The following TMEM168 variants were observed in gnomAD, a reference collection of about 807,000 sequenced individuals.
TMEM168 encodes the protein transmembrane protein 168.
A neutral mutation model predicts 53.2 loss-of-function variants in TMEM168; 40 were observed. That is an observed-to-expected ratio of 0.75 (90% CI 0.58 to 0.98). The LOEUF (loss-of-function observed/expected upper bound fraction) is 0.98, where lower values mean the gene tolerates loss of function less well. Among genes scored for constraint, TMEM168 ranks in the 50% least tolerant of loss-of-function variants. The pLI, the probability that TMEM168 is intolerant of heterozygous loss-of-function variation, is 0.00. For synonymous variants in TMEM168, 282 were observed against 293.0 expected (o/e 0.96, Z 0.38); for missense variants, 771 against 828.8 (o/e 0.93, Z 0.86).
chr7:112,767,338 C>G lies in TMEM168; in HGVS notation c.1953G>C (p.Val651=). ...LHFPRITYPL[V]HLANWLCGLN... is the part of the protein sequence containing the mutation. ...GACCGCATAACCAATTTGCCAAATG[C>G]ACTAGGGGATATGTAATACGAGGAA... Residue 651 remains valine (V), a synonymous_variant, in exon 5 of 5, where the codon GTG becomes GTC. Coordinates refer to ENST00000312814, the MANE Select transcript of TMEM168 (RefSeq NM_022484.6). The G allele has an allele frequency of 3.1e-6, 5 of 1,614,166 alleles. No homozygotes were observed. The highest frequency in any genetic ancestry group is 1.3e-5 in the African/African-American group (1 of 75,058).
rs545242366 is a variant in TMEM168, at chr7:112,767,539, C to T, written c.1752G>A (p.Gln584=). 6.2e-7 allele frequency: 1 copy of T among 1,614,154 alleles called. No homozygotes were observed. The highest frequency in any genetic ancestry group is 8.5e-7 in the Non-Finnish European group (1 of 1,180,008). The change falls in exon 5 of 5, where the codon CAG becomes CAA. Residue 584 remains glutamine, a synonymous_variant. Transcript: ENST00000312814. Reference sequence around the variant, plus strand: ...CCCAGTCTTTTGTAAAGTCACCTAGCTGTGGCGGGTCAGCTTCTTCAATAT... The same window carrying T: ...CCCAGTCTTTTGTAAAGTCACCTAGTTGTGGCGGGTCAGCTTCTTCAATAT... ...TVDIEEADPP[Q]LGDFTKDWVE...
chr7:112,785,127 T>C (rs1278398124), intron 1 of TMEM168, among the ~76,000 whole-genome samples, 174 bp from the exon 2 acceptor site: 1 of 152,230 alleles, frequency 6.6e-6, no homozygotes, highest in Non-Finnish European at 1.5e-5. Context: ...TGGCAGTTTA[T>C]CCAGACAGAC....
In TMEM168 at chr7:112,773,017, A is replaced by G. The variant is rs1356175054; in HGVS notation, c.1310T>C (p.Val437Ala). The change falls in exon 4 of 5, where the codon GTA (valine) becomes GCA (alanine). Residue 437 changes from valine (V) to alanine (A), a missense_variant. Transcript: ENST00000312814. ...AGTAGACCTCAAATTTAACTCCTGTACATGTTCTGGGGGAAGCAGTGTTGG... is the reference window on the plus strand; with the variant it reads ...AGTAGACCTCAAATTTAACTCCTGTGCATGTTCTGGGGGAAGCAGTGTTGG... ...GQPTLLPPEH[V>A]QELNLRSTGM... 2 of 1,612,150 alleles carry G rather than the reference A, an allele frequency of 1.2e-6. No homozygotes were observed. Among genetic ancestry groups the G allele is most frequent in the Non-Finnish European group, 1.7e-6 (2 of 1,178,466 alleles).
chr7:112,774,113 C>T (rs1444324756), intron 3 of TMEM168, among the ~76,000 whole-genome samples: 1 of 152,130 alleles, frequency 6.6e-6, no homozygotes, highest in Non-Finnish European at 1.5e-5. Context: ...CTCCTCTCCC[C>T]CAGGGAAAGT....
chr7:112,787,119 ATC>A (rs1793403610), intron 1 of TMEM168, among the ~76,000 whole-genome samples: 3 of 152,214 alleles, frequency 2.0e-5, no homozygotes, highest in Admixed American at 1.3e-4. Flanking sequence ...ACATTTATAA[ATC>A]TGTTTCTTTT....
Position 112,784,347 on chromosome 7 carries a change from A to T in TMEM168, c.479T>A (p.Leu160Gln). The T allele has an allele frequency of 6.2e-7, 1 of 1,614,220 alleles. No homozygotes were observed. Residue 160 changes from leucine (L) to glutamine (Q), a missense_variant, in exon 2 of 5, where the codon CTG becomes CAG. Leu to Gln is a moderately radical substitution (Grantham distance 113). Coordinates refer to ENST00000312814, the MANE Select transcript of TMEM168 (RefSeq NM_022484.6). ...RPTLLTTVEF[L>Q]ELVGFAIAST... ...GGCAATGGCAAATCCAACAAGCTCC[A>T]GAAATTCAACTGTGGTTAGTAAAGT...
chr7:112,770,901 G>T (rs1792915341), intron 4 of TMEM168, among the ~76,000 whole-genome samples: 1 of 152,114 alleles, frequency 6.6e-6, no homozygotes, highest in Admixed American at 6.6e-5. Context: ...TTTTCCATTT[G>T]ATCTGGGTAG....
chr7:112,775,624 C>A (rs1200080189), intron 2 of TMEM168, among the ~76,000 whole-genome samples: 19 of 148,028 alleles, frequency 1.3e-4, no homozygotes, highest in Middle Eastern at 3.5e-3. Flanking sequence ...ACAAAACAAA[C>A]CAAAACCACT....
intron 2 of TMEM168, among the ~76,000 whole-genome samples, chr7:112,782,669 C>G (rs188758718): frequency 6.6e-6 from 1 of 152,270 alleles, no homozygotes; most frequent in East Asian, 1.9e-4. Context: ...AGCACCATGT[C>G]CAGGCAAGTC....
chr7:112,773,097 C>T (rs1203505131), intron 3 of TMEM168, 42 bp from the exon 4 acceptor site: 5 of 1,531,368 alleles, frequency 3.3e-6, no homozygotes, highest in African/African-American at 1.4e-5. Flanking sequence ...TTCTATATCA[C>T]ATTCTCATCT....
At chr7:112,787,893 C>T (rs1458665753) in intron 1 of TMEM168, among the ~76,000 whole-genome samples, 7 of 150,246 alleles carry the variant, frequency 4.7e-5, no homozygotes, top group Non-Finnish European at 1.0e-4. Flanking sequence ...CCACCATGCC[C>T]GGCTAATTTT....
rs547812620 is a variant in TMEM168, at chr7:112,781,631, C to A, written c.1128+2067G>T. On this transcript the variant is annotated intron_variant, in intron 2 of 4. Coordinates refer to ENST00000312814, the MANE Select transcript of TMEM168 (RefSeq NM_022484.6). ...GTTTAACTGATTTTAAACAAAGACG[C>A]CAAGGCAATTCAATAGGCGAAATGT... 3.3e-5 allele frequency among the ~76,000 whole-genome samples: 5 copies of A among 151,872 alleles called. No homozygotes were observed. The East Asian group carries it at 9.7e-4, about 29-fold the overall frequency.
chr7:112,787,314 T>G (rs1272544822), intron 1 of TMEM168, among the ~76,000 whole-genome samples: 1 of 151,964 alleles, frequency 6.6e-6, no homozygotes, highest in Non-Finnish European at 1.5e-5. Flanking sequence ...TGCTAAGTGT[T>G]GAAATGACCT....
At position 112,783,838 on chromosome 7, in the gene TMEM168, A is replaced by G. The variant is rs779959622; in HGVS notation, c.988T>C (p.Tyr330His). The G allele has an allele frequency of 3.7e-6, 6 of 1,607,446 alleles. No individual in the cohort carries two copies. The highest frequency in any genetic ancestry group is 1.7e-5 in the Admixed American group (1 of 58,882). Residue 330 changes from tyrosine to histidine, a missense_variant, in exon 2 of 5, where the codon TAT (tyrosine) becomes CAT (histidine). Coordinates refer to ENST00000312814, the MANE Select transcript of TMEM168 (RefSeq NM_022484.6). ...TTGTAATCTGTCCTGTGAGTAAAAT[A>G]TACTTTATGGCAGTCATTTAATTTG... is the stretch of plus-strand genomic sequence containing the variant. Reference protein sequence around the residue: ...HTKLNDCHKVYFTHRTDYNSL... With the variant: ...HTKLNDCHKVHFTHRTDYNSL...
chr7:112,765,664 T>C lies in TMEM168; in HGVS notation c.*1533A>G, dbSNP rs1332153689. 1 of 152,388 alleles carries C rather than the reference T, an allele frequency of 6.6e-6. No homozygotes were observed. The highest frequency in any genetic ancestry group is 2.4e-5 in the African/African-American group (1 of 41,466). 9.4% of individuals were successfully genotyped at this position (152,388 alleles called of 1,614,324 possible). On this transcript the variant is annotated 3_prime_UTR_variant, in exon 5 of 5. Transcript: ENST00000312814. Reference sequence around the variant, plus strand: ...AACATGAACTCTAAAACATGGGCATTTTTAATGACTACCACTTTTAATAAA... The same window carrying C: ...AACATGAACTCTAAAACATGGGCATCTTTAATGACTACCACTTTTAATAAA...
chr7:112,768,679 TC>T lies in TMEM168; in HGVS notation c.1547-936del, dbSNP rs149999306. The stretch of plus-strand genomic sequence containing the variant: ...TTTTGATTATTGAGTTTTTTGGCAT[TC>T]CCTTATGTTTTGTGCCTGAGGCAAC... On this transcript the variant is annotated intron_variant, in intron 4 of 4. Coordinates refer to ENST00000312814, the MANE Select transcript of TMEM168 (RefSeq NM_022484.6). Among the ~76,000 whole-genome samples the T allele has an allele frequency of 7.1e-3, 1,074 of 152,290 alleles. 15 individuals are homozygous for T. The highest frequency in any genetic ancestry group is 0.021 in the African/African-American group (876 of 41,560).
chr7:112,764,256 A>G lies in TMEM168; in HGVS notation c.*2941T>C, dbSNP rs1792719627. On this transcript the variant is annotated 3_prime_UTR_variant, in exon 5 of 5. Transcript: ENST00000312814. ...GGTTTTGTGGTTTTAGCAAGGTATC[A>G]CATGAGGAAACAAATACTAAACAAA... 6.6e-6 allele frequency: 1 copy of G among 152,048 alleles called. No individual in the cohort carries two copies. Among genetic ancestry groups the G allele is most frequent in the Admixed American group, 6.6e-5 (1 of 15,266 alleles). 9.4% of individuals were successfully genotyped at this position (152,048 alleles called of 1,614,324 possible).
intron 2 of TMEM168, among the ~76,000 whole-genome samples, chr7:112,781,371 G>C (rs779900719): frequency 6.6e-5 from 10 of 152,062 alleles, no homozygotes; most frequent in Non-Finnish European, 1.2e-4. Context: ...TGGCCTAAAA[G>C]ACTAAAATCA....
intron 4 of TMEM168, among the ~76,000 whole-genome samples, chr7:112,770,304 G>A (rs1160312494): frequency 6.6e-6 from 1 of 152,130 alleles, no homozygotes; most frequent in Non-Finnish European, 1.5e-5. Flanking sequence ...GTATGCAGTT[G>A]CTGAATTATA....
Sources: allele counts gnomAD v4.1 joint callset (sites outside exome capture counted in the v4.1 genomes callset), GRCh38; gene constraint gnomAD v4.1.1; transcripts MANE v1.5; gene names NCBI Gene and HGNC (gene_info 2026-07-23, HGNC 2026-07-21).